The following ST3GAL4 variants were observed in gnomAD, a reference collection of about 807,000 sequenced individuals.
The protein encoded by ST3GAL4 is CMP-N-acetylneuraminate-beta-galactosamide-alpha-2,3-sialyltransferase 4.
ST3GAL4 carries 24 observed loss-of-function variants against 42.6 expected under a neutral mutation model. The ratio of observed to expected loss-of-function variants is 0.56; its 90% confidence interval spans 0.41 to 0.79. The LOEUF is 0.79. Ranked by LOEUF, ST3GAL4 falls within the 30% of genes least tolerant of loss-of-function variation. The probability of loss-of-function intolerance (pLI) is 0.00; values close to 1 mark genes in which losing one functional copy is unlikely to be tolerated. For synonymous variants in ST3GAL4, 135 were observed against 163.2 expected (o/e 0.83, Z 1.32); for missense variants, 311 against 430.8 (o/e 0.72, Z 2.46).
At position 126,376,350 on chromosome 11, in the gene ST3GAL4, G is replaced by A. The variant is rs546001487; in HGVS notation, c.-61+20508G>A. 2.6e-5 allele frequency among the ~76,000 whole-genome samples: 4 copies of A among 152,304 alleles called. No homozygotes were observed. In the East Asian group the frequency reaches 7.7e-4, roughly 29 times the overall value. ...GAAGTGAATTGGGAAACAGAAAACCGAAAGAGGTTTAGTGGCCCAATGACA... is the reference window on the plus strand; with the variant it reads ...GAAGTGAATTGGGAAACAGAAAACCAAAAGAGGTTTAGTGGCCCAATGACA... On this transcript the variant is annotated intron_variant, in intron 1 of 10. Coordinates refer to ENST00000444328, the MANE Select transcript of ST3GAL4 (RefSeq NM_001254757.2). This position sits in a 1 kb window ranked among gnomAD's most constrained non-coding sequence, Gnocchi z 5.1.
At position 126,396,572 on chromosome 11, in the gene ST3GAL4, G is replaced by A. The variant is rs899209322; in HGVS notation, c.-60-9524G>A. 1.3e-5 allele frequency among the ~76,000 whole-genome samples: 2 copies of A among 151,886 alleles called. No homozygotes were observed. Among genetic ancestry groups the A allele is most frequent in the Admixed American group, 6.5e-5 (1 of 15,280 alleles). ...CGGAAGCGTGGCTGAGAAGGGGCTC[G>A]ACAGGCTCTTCGTCACTGTGCGGAG... On this transcript the variant is annotated intron_variant, in intron 1 of 10. Coordinates refer to ENST00000444328, the MANE Select transcript of ST3GAL4 (RefSeq NM_001254757.2). This position sits in a 1 kb window ranked among gnomAD's most constrained non-coding sequence, Gnocchi z 5.8.
At position 126,406,362 on chromosome 11, in the gene ST3GAL4, CTTCTGTTGAG is replaced by C; in HGVS notation, c.17-108_17-99del. The C allele has an allele frequency of 6.3e-7, 1 of 1,575,794 alleles. No individual in the cohort carries two copies. The highest frequency in any genetic ancestry group is 1.2e-5 in the South Asian group (1 of 86,614). ...AGGGCCAGGAGAGGGCCAGAGACTG[CTTCTGTTGAG>C]TTAGGGGTCGGAGGGACTCAGAAGG... On this transcript the variant is annotated intron_variant, in intron 2 of 10. Coordinates refer to ENST00000444328, the MANE Select transcript of ST3GAL4 (RefSeq NM_001254757.2). The surrounding 1 kb of genome is among the most constrained non-coding windows in gnomAD (Gnocchi z 5.4).
At chr11:126,375,943 C>G (rs1243429222) in intron 1 of ST3GAL4, among the ~76,000 whole-genome samples, 1 of 145,036 alleles carries the variant, frequency 6.9e-6, no homozygotes, top group East Asian at 2.0e-4. Flanking sequence ...ACGTGCAGTA[C>G]ATTGTTTCAG....
At chr11:126,407,726 A>C in intron 6 of ST3GAL4, 92 bp downstream of exon 6, 1 of 1,277,260 alleles carries the variant, frequency 7.8e-7, no homozygotes, top group South Asian at 1.3e-5. Flanking sequence ...CGCTCTGTGA[A>C]ACAGTCATGG....
chr11:126,411,793 G>A lies in ST3GAL4; in HGVS notation c.772-1712G>A, dbSNP rs183213877. Among the ~76,000 whole-genome samples the A allele has an allele frequency of 2.4e-4, 36 of 152,006 alleles. No homozygotes were observed. Among genetic ancestry groups the A allele is most frequent in the African/African-American group, 7.7e-4 (32 of 41,468 alleles). ...CAGCCTCCATCTTCAAGCCAGCGACGGCACAATAGATCCTTTCTGTGCTTC... is the reference window on the plus strand; with the variant it reads ...CAGCCTCCATCTTCAAGCCAGCGACAGCACAATAGATCCTTTCTGTGCTTC... On this transcript the variant is annotated intron_variant, in intron 9 of 10. Transcript: ENST00000444328. This position sits in a 1 kb window ranked among gnomAD's most constrained non-coding sequence, Gnocchi z 6.3.
rs1952335844 is a variant in ST3GAL4, at chr11:126,363,861, A to G, written c.-61+8019A>G. On this transcript the variant is annotated intron_variant, in intron 1 of 10. Transcript: ENST00000444328. The surrounding 1 kb of genome is among the most constrained non-coding windows in gnomAD (Gnocchi z 4.6). ...CAGTGTTCTGTGTGAGGGTCTGGAT[A>G]CACTCCCCACCCTCCCAGGCCCGGC... Among the ~76,000 whole-genome samples the G allele has an allele frequency of 6.6e-6, 1 of 152,198 alleles. No homozygotes were observed. Among genetic ancestry groups the G allele is most frequent in the South Asian group, 2.1e-4 (1 of 4,832 alleles).
At chr11:126,403,561 G>A (rs539407802) in intron 1 of ST3GAL4, 10 of 494,566 alleles carry the variant, frequency 2.0e-5, no homozygotes, top group Admixed American at 6.4e-5. Flanking sequence ...TAAACATCTC[G>A]GAGAGTGGGG....
At chr11:126,368,922 C>A (rs929933712) in intron 1 of ST3GAL4, among the ~76,000 whole-genome samples, 79 of 152,200 alleles carry the variant, frequency 5.2e-4, no homozygotes, top group African/African-American at 1.9e-3. Flanking sequence ...ACACACACAC[C>A]CCTCCCCCAC....
rs565953213 is a variant in ST3GAL4 at position 126,411,789 on chromosome 11, C to T, written c.772-1716C>T. The stretch of plus-strand genomic sequence containing the variant: ...CGTACAGCCTCCATCTTCAAGCCAG[C>T]GACGGCACAATAGATCCTTTCTGTG... On this transcript the variant is annotated intron_variant, in intron 9 of 10. Coordinates refer to ENST00000444328, the MANE Select transcript of ST3GAL4 (RefSeq NM_001254757.2). This position sits in a 1 kb window ranked among gnomAD's most constrained non-coding sequence, Gnocchi z 6.3. 1.2e-3 allele frequency among the ~76,000 whole-genome samples: 182 copies of T among 152,004 alleles called. No homozygotes were observed. Among genetic ancestry groups the T allele is most frequent in the African/African-American group, 4.2e-3 (174 of 41,472 alleles).
chr11:126,403,518 T>A (rs1954099498), intron 1 of ST3GAL4: 1 of 906,338 alleles, frequency 1.1e-6, no homozygotes, highest in South Asian at 5.1e-5. Flanking sequence ...CTATTCCCTA[T>A]TCATGCCTGG....
chr11:126,371,163 C>CCTTTTTTTT (rs1952626552), intron 1 of ST3GAL4, among the ~76,000 whole-genome samples: 1 of 59,974 alleles, frequency 1.7e-5, no homozygotes, highest in African/African-American at 7.1e-5. Context: ...CCCCACATTC[C>CCTTTTTTTT]TTTTTTTTTT....
chr11:126,364,436 A>G (rs1952358539), intron 1 of ST3GAL4, among the ~76,000 whole-genome samples: 1 of 140,152 alleles, frequency 7.1e-6, no homozygotes, highest in African/African-American at 2.7e-5. Context: ...GGGAGGGTGG[A>G]GTCCAGCCAC....
At chr11:126,377,766 C>T (rs1565401756) in intron 1 of ST3GAL4, among the ~76,000 whole-genome samples, 1 of 152,188 alleles carries the variant, frequency 6.6e-6, no homozygotes, top group Non-Finnish European at 1.5e-5. Context: ...GTGAGCCATG[C>T]GCTCGGCCAG....
rs1398904977 is a variant in ST3GAL4, at chr11:126,359,683, C to T, written c.-61+3841C>T. Among the ~76,000 whole-genome samples the T allele has an allele frequency of 6.6e-6, 1 of 152,170 alleles. No homozygotes were observed. The highest frequency in any genetic ancestry group is 1.5e-5 in the Non-Finnish European group (1 of 68,046). ...GGCCGTACCCTGAGCACACGCTTGTCCGCTTTCTCAGCTGGGCGGGGCGGG... is the reference window on the plus strand; with the variant it reads ...GGCCGTACCCTGAGCACACGCTTGTTCGCTTTCTCAGCTGGGCGGGGCGGG... On this transcript the variant is annotated intron_variant, in intron 1 of 10. Transcript: ENST00000444328. The surrounding 1 kb of genome is among the most constrained non-coding windows in gnomAD (Gnocchi z 4.8).
intron 1 of ST3GAL4, among the ~76,000 whole-genome samples, chr11:126,361,548 G>A (rs1952242970): frequency 6.6e-6 from 1 of 152,038 alleles, no homozygotes; most frequent in African/African-American, 2.4e-5. Context: ...AGTATCAACT[G>A]AAGCCCCAGT....
chr11:126,361,658 G>A (rs1222304802), intron 1 of ST3GAL4, among the ~76,000 whole-genome samples: 1 of 152,080 alleles, frequency 6.6e-6, no homozygotes, highest in Non-Finnish European at 1.5e-5. Flanking sequence ...GACAGGGAGG[G>A]AACCCTGTGC....
intron 1 of ST3GAL4, among the ~76,000 whole-genome samples, chr11:126,375,869 CTTT>C (rs11443803): frequency 0.02 from 2,502 of 122,604 alleles, 46 homozygotes; most frequent in African/African-American, 0.069. Context: ...CCTTTTCTTC[CTTT>C]TTTTTTTTTT....
chr11:126,412,346 C>T (rs182919201), intron 9 of ST3GAL4, among the ~76,000 whole-genome samples: 11 of 152,272 alleles, frequency 7.2e-5, no homozygotes, highest in African/African-American at 2.6e-4. Flanking sequence ...GGCATGTCGA[C>T]AGGCCTGATG....
At position 126,409,826 on chromosome 11, in the gene ST3GAL4, C is replaced by A. The variant is rs1433562501; in HGVS notation, c.771+415C>A. On this transcript the variant is annotated intron_variant, in intron 9 of 10. Transcript: ENST00000444328. This position sits in a 1 kb window ranked among gnomAD's most constrained non-coding sequence, Gnocchi z 4.9. ...TCTGAACGAGTTATAAGAGTTGGAG[C>A]TAAACAGTTTGTCTTGCATGTCATG... Among the ~76,000 whole-genome samples the A allele has an allele frequency of 2.0e-5, 3 of 152,178 alleles. No individual in the cohort carries two copies. Among genetic ancestry groups the A allele is most frequent in the Non-Finnish European group, 4.4e-5 (3 of 68,030 alleles).
Sources: allele counts gnomAD v4.1 joint callset (sites outside exome capture counted in the v4.1 genomes callset), GRCh38; gene constraint gnomAD v4.1.1; non-coding constraint Gnocchi (gnomAD v3.1); transcripts MANE v1.5; gene names NCBI Gene and HGNC (gene_info 2026-07-23, HGNC 2026-07-21).